Variants in AP2B1 observed in about 807,000 individuals in gnomAD.
The protein encoded by AP2B1 is adaptor related protein complex 2 subunit beta 1.
AP2B1 carries 23 observed loss-of-function variants against 102.0 expected under a neutral mutation model. That is an observed-to-expected ratio of 0.23 (90% CI 0.16 to 0.32). The LOEUF is 0.32. Among genes scored for constraint, AP2B1 ranks in the 10% least tolerant of loss-of-function variants. The probability of loss-of-function intolerance (pLI) is 1.00; values close to 1 mark genes in which losing one functional copy is unlikely to be tolerated. For missense variants in AP2B1, 541 were observed against 1,157.4 expected, an observed-to-expected ratio of 0.47 and a Z score of 7.73; for synonymous variants, 381 against 421.2, an observed-to-expected ratio of 0.90 and a Z score of 1.17.
At chr17:35,607,774 CTT>C (rs35128360) in intron 4 of AP2B1, 339 of 123,536 alleles carry the variant, frequency 2.7e-3, no homozygotes, top group African/African-American at 3.0e-3. Context: ...TACAGCTCCT[CTT>C]TTTTTTTTTT....
chr17:35,684,794 A>G (rs1399726097), intron 18 of AP2B1, among the ~76,000 whole-genome samples: 1 of 152,230 alleles, frequency 6.6e-6, no homozygotes, highest in Non-Finnish European at 1.5e-5. Flanking sequence ...ATATTTGAGG[A>G]CAGTCAGCAT....
intron 18 of AP2B1, 62 bp downstream of exon 18, chr17:35,682,886 A>T (rs997587069): frequency 1.7e-5 from 24 of 1,453,216 alleles, no homozygotes; most frequent in East Asian, 2.8e-5. Context: ...TATTATTATT[A>T]TTATTTTTAA....
At chr17:35,679,077 T>C (rs1044806567) in intron 17 of AP2B1, among the ~76,000 whole-genome samples, 6 of 152,228 alleles carry the variant, frequency 3.9e-5, no homozygotes, top group Admixed American at 6.5e-5. Context: ...CTGTGTTTTT[T>C]ACCATTATGA....
chr17:35,660,806 T>A (rs1050680594), intron 14 of AP2B1, among the ~76,000 whole-genome samples: 11 of 152,204 alleles, frequency 7.2e-5, no homozygotes, highest in African/African-American at 2.7e-4. Context: ...ACTTCAGTAG[T>A]AAACAGACTT....
intron 5 of AP2B1, among the ~76,000 whole-genome samples, chr17:35,618,144 G>A (rs539955458): frequency 7.2e-5 from 11 of 152,244 alleles, no homozygotes; most frequent in Admixed American, 6.5e-4. Context: ...CAGTGTTTTG[G>A]ATTAAAGTAT....
At chr17:35,714,139 T>C (rs1384826600) in intron 20 of AP2B1, among the ~76,000 whole-genome samples, 1 of 152,180 alleles carries the variant, frequency 6.6e-6, no homozygotes, top group Non-Finnish European at 1.5e-5. Context: ...ATTAGTTAGG[T>C]ACTGTAATGA....
chr17:35,691,691 A>G (rs977923477), intron 18 of AP2B1, among the ~76,000 whole-genome samples: 1 of 152,230 alleles, frequency 6.6e-6, no homozygotes, highest in East Asian at 1.9e-4. Flanking sequence ...CCAGCGTTGG[A>G]TCTACTATCC....
intron 17 of AP2B1, among the ~76,000 whole-genome samples, chr17:35,679,392 T>C (rs939924760): frequency 9.9e-5 from 13 of 131,404 alleles, no homozygotes; most frequent in Admixed American, 3.7e-4. Context: ...ACTTGCTACC[T>C]TTTTTTTTTT....
At position 35,602,108 on chromosome 17, in the gene AP2B1, A is replaced by G. The variant is rs538151998; in HGVS notation, c.144-3597A>G. Among the ~76,000 whole-genome samples the G allele has an allele frequency of 2.0e-5, 3 of 152,236 alleles. No individual in the cohort carries two copies. In the East Asian group the frequency reaches 5.8e-4, roughly 29 times the overall value. ...CTTGATTTTTTTTTATATGCTTGCT[A>G]TTGCTGATACTTTATTATGTACTTA... On this transcript the variant is annotated intron_variant, in intron 3 of 21. Transcript: ENST00000610402.
At chr17:35,656,413 T>A (rs2075220821) in intron 13 of AP2B1, among the ~76,000 whole-genome samples, 1 of 152,170 alleles carries the variant, frequency 6.6e-6, no homozygotes, top group African/African-American at 2.4e-5. Flanking sequence ...GCCTGTTGAG[T>A]TGTTGTTATT....
chr17:35,589,632 ACT>A (rs894362067), intron 1 of AP2B1, among the ~76,000 whole-genome samples: 1 of 152,096 alleles, frequency 6.6e-6, no homozygotes, highest in African/African-American at 2.4e-5. Context: ...GTGACATCAC[ACT>A]CTGGTCGAGG....
intron 20 of AP2B1, among the ~76,000 whole-genome samples, chr17:35,716,167 T>C (rs915598630): frequency 6.6e-6 from 1 of 152,184 alleles, no homozygotes; most frequent in African/African-American, 2.4e-5. Context: ...GAGAGCACAA[T>C]AGAATATGAC....
intron 5 of AP2B1, among the ~76,000 whole-genome samples, chr17:35,610,939 G>A (rs1307120505): frequency 6.6e-6 from 1 of 151,902 alleles, no homozygotes; most frequent in East Asian, 1.9e-4. Context: ...GTTGGACGTG[G>A]TGGTGCATGC....
chr17:35,612,313 C>T (rs187855230), intron 5 of AP2B1, among the ~76,000 whole-genome samples: 5 of 152,270 alleles, frequency 3.3e-5, no homozygotes, highest in Admixed American at 2.0e-4. Flanking sequence ...GCCTGGAGTG[C>T]CTCACTTGCC....
chr17:35,668,930 T>C (rs1010252742), intron 14 of AP2B1, among the ~76,000 whole-genome samples: 4 of 152,204 alleles, frequency 2.6e-5, no homozygotes, highest in African/African-American at 9.7e-5. Flanking sequence ...CATTCTTATC[T>C]ATGTAGTCCC....
chr17:35,591,011 C>T (rs2073077758), intron 1 of AP2B1, among the ~76,000 whole-genome samples: 1 of 151,828 alleles, frequency 6.6e-6, no homozygotes, highest in South Asian at 2.1e-4. Flanking sequence ...CCTGTCTCTA[C>T]TAAAATACAA....
chr17:35,640,717 T>C (rs535112228), intron 11 of AP2B1, among the ~76,000 whole-genome samples: 17 of 152,278 alleles, frequency 1.1e-4, no homozygotes, highest in Non-Finnish European at 5.9e-5. Flanking sequence ...TCTTACAAGG[T>C]TCAGGGTGAT....
chr17:35,635,645 G>A (rs1038624130), intron 9 of AP2B1, among the ~76,000 whole-genome samples: 3 of 152,032 alleles, frequency 2.0e-5, no homozygotes, highest in Non-Finnish European at 4.4e-5. Flanking sequence ...GCCTCCCAAA[G>A]TGCTAGTGCT....
chr17:35,645,988 A>G (rs977400792), intron 12 of AP2B1, among the ~76,000 whole-genome samples: 3 of 152,236 alleles, frequency 2.0e-5, no homozygotes, highest in African/African-American at 7.2e-5. Flanking sequence ...GCTGCTTGTT[A>G]AAAATACTAA....
Sources: gnomAD v4.1 joint callset for allele counts (sites outside exome capture counted in the v4.1 genomes callset) on GRCh38, gnomAD v4.1.1 for gene constraint, MANE v1.5 for transcripts, NCBI Gene and HGNC (gene_info 2026-07-23, HGNC 2026-07-21) for gene names.